Variants in GNAL observed in about 807,000 individuals in gnomAD.
GNAL encodes G protein subunit alpha L, also known as guanine nucleotide-binding protein G(olf) subunit alpha.
GNAL carries 18 observed loss-of-function variants against 55.1 expected under a neutral mutation model. The observed-to-expected ratio is 0.33, with a 90% confidence interval of 0.23 to 0.48. GNAL has a LOEUF of 0.48. GNAL is among the 20% of genes least tolerant of loss of function. The pLI, the probability that GNAL is intolerant of heterozygous loss-of-function variation, is 0.99. For synonymous variants in GNAL, 253 were observed against 237.0 expected, an observed-to-expected ratio of 1.07 and a Z score of -0.62; for missense variants, 412 against 614.1, an observed-to-expected ratio of 0.67 and a Z score of 3.48.
At chr18:11,714,877 G>A (rs550336835) in intron 1 of GNAL, among the ~76,000 whole-genome samples, 233 of 152,318 alleles carry the variant, frequency 1.5e-3, no homozygotes, top group Non-Finnish European at 2.7e-3. Flanking sequence ...AATGCTGGGT[G>A]TGGCGGTTCA....
At position 11,689,468 on chromosome 18, in the gene GNAL, C is replaced by T. The variant is rs1292020506; in HGVS notation, c.-96C>T. On this transcript the variant is annotated 5_prime_UTR_variant, in exon 1 of 12. Coordinates refer to ENST00000334049, the MANE Select transcript of GNAL (RefSeq NM_182978.4). The stretch of plus-strand genomic sequence containing the variant: ...GGTGCAGCCCCCTCCCGCCCCTCCG[C>T]TGAGGCGCCGGCCTGAACTGGGCGC... 9 of 518,928 alleles carry T rather than the reference C, an allele frequency of 1.7e-5. No homozygotes were observed. Among genetic ancestry groups the T allele is most frequent in the Non-Finnish European group, 2.6e-5 (9 of 343,098 alleles). 32.1% of individuals were successfully genotyped at this position (518,928 alleles called of 1,614,324 possible). A position where few individuals can be genotyped will look rare whatever the true frequency, so the allele number is the denominator to read the frequency against.
chr18:11,814,399 G>A (rs1364691546), intron 4 of GNAL, among the ~76,000 whole-genome samples: 1 of 152,008 alleles, frequency 6.6e-6, no homozygotes, highest in Non-Finnish European at 1.5e-5. Flanking sequence ...ATTGTGGCAG[G>A]TGCCTGTAAT....
intron 4 of GNAL, among the ~76,000 whole-genome samples, chr18:11,801,529 G>A (rs1020385033): frequency 2.0e-5 from 3 of 152,158 alleles, no homozygotes; most frequent in Non-Finnish European, 2.9e-5. Flanking sequence ...ATAAGGTCCC[G>A]TTGGAGGATT....
At chr18:11,748,173 T>C (rs1280824800) in intron 1 of GNAL, among the ~76,000 whole-genome samples, 1 of 152,216 alleles carries the variant, frequency 6.6e-6, no homozygotes, top group Non-Finnish European at 1.5e-5. Flanking sequence ...GAAAATAGGC[T>C]AAGATTGGCT....
At chr18:11,830,576 G>A (rs1245183051) in intron 5 of GNAL, among the ~76,000 whole-genome samples, 1 of 152,190 alleles carries the variant, frequency 6.6e-6, no homozygotes, top group African/African-American at 2.4e-5. Context: ...GAATCCAGTA[G>A]TTCCTCAAAA....
intron 10 of GNAL, among the ~76,000 whole-genome samples, chr18:11,873,740 G>A (rs3016954): frequency 2.0e-5 from 3 of 152,350 alleles, no homozygotes; most frequent in Admixed American, 1.3e-4. Context: ...CTTCTGCTGC[G>A]CTTTCTGTGG....
At chr18:11,805,006 A>C (rs112991421) in intron 4 of GNAL, among the ~76,000 whole-genome samples, 1 of 103,802 alleles carries the variant, frequency 9.6e-6, no homozygotes, top group East Asian at 3.3e-4. Context: ...TGAAGTACAG[A>C]TGCAGTTTGA....
chr18:11,756,516 T>A (rs1022680264), intron 4 of GNAL, among the ~76,000 whole-genome samples: 1 of 151,334 alleles, frequency 6.6e-6, no homozygotes, highest in Non-Finnish European at 1.5e-5. Flanking sequence ...AGAGTATATT[T>A]TATATATATA....
At chr18:11,825,372 A>G (rs1284046029) in intron 5 of GNAL, among the ~76,000 whole-genome samples, 1 of 152,198 alleles carries the variant, frequency 6.6e-6, no homozygotes, top group African/African-American at 2.4e-5. Context: ...ATATTTTAAA[A>G]TAATACGAAC....
At chr18:11,758,720 T>C (rs1408825659) in intron 4 of GNAL, among the ~76,000 whole-genome samples, 1 of 152,242 alleles carries the variant, frequency 6.6e-6, no homozygotes, top group African/African-American at 2.4e-5. Flanking sequence ...CTTCAGGTTA[T>C]CTTTGTTCAA....
At chr18:11,872,143 C>A (rs2071138) in intron 9 of GNAL, 125 bp from the exon 10 acceptor site, 54 of 644,028 alleles carry the variant, frequency 8.4e-5, no homozygotes, top group Non-Finnish European at 1.2e-4. Flanking sequence ...GTGTACTGAA[C>A]TTTCTTGAAT....
chr18:11,871,039 G>A (rs1029213253), intron 9 of GNAL, among the ~76,000 whole-genome samples: 4 of 152,034 alleles, frequency 2.6e-5, no homozygotes, highest in Non-Finnish European at 4.4e-5. Context: ...CTATGATCTC[G>A]TTTTTAAGTA....
rs2037020523 is a variant in GNAL, at chr18:11,885,251, G to A, written c.*4116G>A. On this transcript the variant is annotated 3_prime_UTR_variant, in exon 12 of 12. Transcript: ENST00000334049. ...GCTGAAAGGAGTTAAAACGCCCAGT[G>A]GTCATTAAGTGAAACATCTTTTATC... The A allele has an allele frequency of 3.7e-6, 1 of 268,250 alleles. No homozygotes were observed. The highest frequency in any genetic ancestry group is 7.1e-6 in the Non-Finnish European group (1 of 140,048). The allele number at this position is 268,250 out of a possible 1,614,324, so 16.6% of individuals were successfully genotyped here.
chr18:11,882,803 ATAAAG>A lies in GNAL; in HGVS notation c.*1670_*1674del, dbSNP rs2036737187. On this transcript the variant is annotated 3_prime_UTR_variant, in exon 12 of 12. Transcript: ENST00000334049. ...ACATTACAAAACCTTAATCTGAAGT[ATAAAG>A]TCAAAAGATACGGCTCTTTCTCACA... 1 of 152,146 alleles carries A rather than the reference ATAAAG, an allele frequency of 6.6e-6. No individual in the cohort carries two copies. 9.4% of individuals were successfully genotyped at this position (152,146 alleles called of 1,614,324 possible). A position where few individuals can be genotyped will look rare whatever the true frequency, so the allele number is the denominator to read the frequency against.
intron 1 of GNAL, among the ~76,000 whole-genome samples, chr18:11,742,320 A>G (rs550338869): frequency 6.6e-6 from 1 of 152,304 alleles, no homozygotes; most frequent in Non-Finnish European, 1.5e-5. Context: ...TAAGATGGAT[A>G]TATATTAGTT....
chr18:11,714,299 G>C (rs1598407719), intron 1 of GNAL, among the ~76,000 whole-genome samples: 1 of 152,178 alleles, frequency 6.6e-6, no homozygotes, highest in South Asian at 2.1e-4. Flanking sequence ...TTTGTGGACT[G>C]TGCTTTTTCC....
chr18:11,847,511 T>G (rs1223361454), intron 5 of GNAL, among the ~76,000 whole-genome samples: 1 of 152,056 alleles, frequency 6.6e-6, no homozygotes, highest in Non-Finnish European at 1.5e-5. Flanking sequence ...TATTTCAAAG[T>G]AAGGAAAGAA....
rs577536769 is a variant in GNAL at position 11,731,389 on chromosome 18, T to TC, written c.377-21462dup. On this transcript the variant is annotated intron_variant, in intron 1 of 11. Transcript: ENST00000334049. Reference sequence around the variant, plus strand: ...TTCTCCAACTCCTGACCTCAGGTGATCCACCCGCCTTGGCCTCCCAAAGTG... The same window carrying TC: ...TTCTCCAACTCCTGACCTCAGGTGATCCCACCCGCCTTGGCCTCCCAAAGTG... Among the ~76,000 whole-genome samples, 4 of 152,208 alleles carry TC rather than the reference T, an allele frequency of 2.6e-5. No homozygotes were observed. The South Asian group carries it at 6.2e-4, about 24-fold the overall frequency.
chr18:11,727,548 C>T (rs757361530), intron 1 of GNAL, among the ~76,000 whole-genome samples: 7 of 152,164 alleles, frequency 4.6e-5, no homozygotes, highest in Non-Finnish European at 1.0e-4. Context: ...AACCGGGACC[C>T]CAAACGGAAA....
Sources: gnomAD v4.1 joint callset for allele counts (sites outside exome capture counted in the v4.1 genomes callset) on GRCh38, gnomAD v4.1.1 for gene constraint, MANE v1.5 for transcripts, NCBI Gene and HGNC (gene_info 2026-07-23, HGNC 2026-07-21) for gene names.